Variants in SVOP observed in about 807,000 individuals in gnomAD.
SVOP encodes the protein SV2 related protein.
Under a neutral mutation model 69.1 loss-of-function variants are expected in SVOP, and 17 were observed. That is an observed-to-expected ratio of 0.25 (90% confidence interval 0.17 to 0.37). SVOP has a LOEUF of 0.37. Ranked by LOEUF, SVOP falls within the 10% of genes least tolerant of loss-of-function variation. The probability of loss-of-function intolerance (pLI) is 1.00; values close to 1 mark genes in which losing one functional copy is unlikely to be tolerated. For synonymous variants in SVOP, 238 were observed against 238.6 expected (o/e 1.00, Z 0.02); for missense variants, 435 against 597.5 (o/e 0.73, Z 2.84).
intron 4 of SVOP, among the ~76,000 whole-genome samples, chr12:108,974,065 G>C (rs190342341): frequency 6.6e-6 from 1 of 152,186 alleles, no homozygotes; most frequent in African/African-American, 2.4e-5. Context: ...TTTGGAGAGC[G>C]TTTTTAAAAA....
chr12:109,007,437 C>T (rs898038058), intron 1 of SVOP, among the ~76,000 whole-genome samples: 1 of 152,178 alleles, frequency 6.6e-6, no homozygotes, highest in Non-Finnish European at 1.5e-5. Flanking sequence ...AAGAAGGTGC[C>T]TCTCAACCTG....
At chr12:108,937,146 T>G in intron 10 of SVOP, 118 bp downstream of exon 10, 3 of 961,106 alleles carry the variant, frequency 3.1e-6, no homozygotes, top group Non-Finnish European at 5.1e-6. Context: ...TTCGAACTAC[T>G]GAAATTTGCA....
chr12:108,913,594 G>T (rs1350791351), intron 15 of SVOP, among the ~76,000 whole-genome samples: 1 of 152,202 alleles, frequency 6.6e-6, no homozygotes, highest in African/African-American at 2.4e-5. Context: ...ACAGTGCAGT[G>T]CCTGTGCCAA....
chr12:108,927,936 C>T (rs1322109337), intron 11 of SVOP, among the ~76,000 whole-genome samples: 5 of 145,168 alleles, frequency 3.4e-5, no homozygotes, highest in Non-Finnish European at 7.5e-5. Context: ...GAGAGAGTCT[C>T]ATACCATCGC....
At chr12:109,018,069 G>A (rs1178194011) in intron 1 of SVOP, among the ~76,000 whole-genome samples, 2 of 150,572 alleles carry the variant, frequency 1.3e-5, no homozygotes, top group Non-Finnish European at 1.5e-5. Context: ...TTTGTACCTA[G>A]GATGGTATCT....
chr12:108,912,792 C>T (rs2039692485), intron 15 of SVOP, 51 bp from the exon 16 acceptor site: 4 of 1,541,052 alleles, frequency 2.6e-6, no homozygotes, highest in Middle Eastern at 1.7e-4. Context: ...GAAGCACAGA[C>T]ATCGCCAACC....
At chr12:108,995,534 C>T (rs1250247264) in intron 1 of SVOP, among the ~76,000 whole-genome samples, 1 of 152,032 alleles carries the variant, frequency 6.6e-6, no homozygotes, top group East Asian at 1.9e-4. Flanking sequence ...TTAATGAGTA[C>T]AGTTGGGGAG....
In SVOP at chr12:109,013,596, G is replaced by T. The variant is rs889275975; in HGVS notation, c.35+7238C>A. Among the ~76,000 whole-genome samples, 4 of 151,940 alleles carry T rather than the reference G, an allele frequency of 2.6e-5. No individual in the cohort carries two copies. In the South Asian group the frequency reaches 6.2e-4, roughly 24 times the overall value. On this transcript the variant is annotated intron_variant, in intron 1 of 15. Coordinates refer to ENST00000610966, the MANE Select transcript of SVOP (RefSeq NM_018711.5). Reference sequence around the variant, plus strand: ...AGTAGAGACGGTTTTCACCATGTTGGCCAGGCTGATCTTGAACTTCTGGCC... The same window carrying T: ...AGTAGAGACGGTTTTCACCATGTTGTCCAGGCTGATCTTGAACTTCTGGCC...
intron 11 of SVOP, among the ~76,000 whole-genome samples, chr12:108,930,069 A>G (rs904563757): frequency 6.6e-6 from 1 of 152,164 alleles, no homozygotes; most frequent in African/African-American, 2.4e-5. Flanking sequence ...TGCCTGACCT[A>G]TGTGCTAAAA....
chr12:109,005,733 T>C (rs1406493889), intron 1 of SVOP, among the ~76,000 whole-genome samples: 1 of 151,852 alleles, frequency 6.6e-6, no homozygotes, highest in East Asian at 1.9e-4. Flanking sequence ...AAGTGAGTGA[T>C]CAGAAAAGAC....
chr12:108,965,890 A>G (rs2040042683), intron 5 of SVOP, among the ~76,000 whole-genome samples: 1 of 151,880 alleles, frequency 6.6e-6, no homozygotes, highest in South Asian at 2.1e-4. Flanking sequence ...GCTCCATACC[A>G]TATTCTAAGT....
At chr12:108,982,041 T>A (rs977173518) in intron 2 of SVOP, among the ~76,000 whole-genome samples, 2 of 143,458 alleles carry the variant, frequency 1.4e-5, no homozygotes, top group East Asian at 4.5e-4. Flanking sequence ...TCATCATCAC[T>A]ATCATCATCA....
chr12:108,922,252 G>A (rs181092237), intron 12 of SVOP, among the ~76,000 whole-genome samples: 79 of 152,324 alleles, frequency 5.2e-4, no homozygotes, highest in African/African-American at 1.9e-3. Context: ...CCCTTAGGGA[G>A]GTTTCTGGCA....
intron 11 of SVOP, among the ~76,000 whole-genome samples, chr12:108,932,045 C>T (rs763168323): frequency 2.0e-5 from 3 of 152,012 alleles, no homozygotes; most frequent in South Asian, 2.1e-4. Context: ...CACAGAGTCT[C>T]GCTCTCACCC....
intron 5 of SVOP, among the ~76,000 whole-genome samples, chr12:108,968,942 T>C (rs1344333358): frequency 2.6e-5 from 4 of 152,144 alleles, no homozygotes; most frequent in African/African-American, 7.2e-5. Context: ...TACAGGTGCA[T>C]GCCACTGGGC....
intron 5 of SVOP, among the ~76,000 whole-genome samples, chr12:108,968,889 G>A (rs1046164906): frequency 7.2e-5 from 11 of 152,144 alleles, no homozygotes; most frequent in Non-Finnish European, 1.6e-4. Context: ...CCCATCCTGG[G>A]TTCAAGCAAT....
intron 1 of SVOP, among the ~76,000 whole-genome samples, chr12:109,010,981 C>G (rs2040338290): frequency 6.6e-6 from 1 of 152,066 alleles, no homozygotes; most frequent in South Asian, 2.1e-4. Context: ...GTGGCGTGAT[C>G]TCAGCTCACT....
chr12:108,976,945 T>C (rs915317759), intron 4 of SVOP, among the ~76,000 whole-genome samples: 2 of 152,236 alleles, frequency 1.3e-5, no homozygotes, highest in Non-Finnish European at 2.9e-5. Context: ...TTGCTGCTGA[T>C]ATCTCCCTGA....
At chr12:109,015,124 A>G (rs78760243) in intron 1 of SVOP, among the ~76,000 whole-genome samples, 295 of 152,258 alleles carry the variant, frequency 1.9e-3, no homozygotes, top group African/African-American at 5.8e-3. Flanking sequence ...AGAAGGTGGT[A>G]TTTGAGACTT....
Sources: allele counts gnomAD v4.1 joint callset (sites outside exome capture counted in the v4.1 genomes callset), GRCh38; gene constraint gnomAD v4.1.1; transcripts MANE v1.5; gene names NCBI Gene and HGNC (gene_info 2026-07-23, HGNC 2026-07-21).